RALGPS2: variants seen among roughly 807,000 people sequenced by gnomAD.
The protein encoded by RALGPS2 is Ral GEF with PH domain and SH3 binding motif 2.
In RALGPS2, 43 loss-of-function variants were observed where a neutral mutation model predicts 86.8. That is an observed-to-expected ratio of 0.50 (90% confidence interval 0.39 to 0.64). The LOEUF is 0.64. Among genes scored for constraint, RALGPS2 ranks in the 30% least tolerant of loss-of-function variants. The pLI, the probability that RALGPS2 is intolerant of heterozygous loss-of-function variation, is 0.00. For missense variants in RALGPS2, 536 were observed against 694.6 expected, an observed-to-expected ratio of 0.77 and a Z score of 2.57; for synonymous variants, 243 against 231.3, an observed-to-expected ratio of 1.05 and a Z score of -0.46.
rs754347008 is a variant in RALGPS2, at chr1:178,865,627, T to C, written c.608-11871T>C. 10 of 1,613,912 alleles carry C rather than the reference T, an allele frequency of 6.2e-6. No homozygotes were observed. In the Admixed American group the frequency reaches 1.3e-4, roughly 22 times the overall value. Reference sequence around the variant, plus strand: ...TTTGTTCAGGTACCAGGAATGTGTATGCACATTTCTTTGCTTCCTCTTTAC... The same window carrying C: ...TTTGTTCAGGTACCAGGAATGTGTACGCACATTTCTTTGCTTCCTCTTTAC... On this transcript the variant is annotated intron_variant, in intron 8 of 19. Transcript: ENST00000367635.
chr1:178,835,536 G>A lies in RALGPS2; in HGVS notation c.607+1986G>A, dbSNP rs140915852. Among the ~76,000 whole-genome samples the A allele has an allele frequency of 5.8e-3, 875 of 152,078 alleles. 38 individuals carry two copies. The highest frequency in any genetic ancestry group is 0.052 in the Admixed American group (794 of 15,286). On this transcript the variant is annotated intron_variant, in intron 8 of 19. Coordinates refer to ENST00000367635, the MANE Select transcript of RALGPS2 (RefSeq NM_152663.5). ...GCCTCCCAGGTAGCTGGGATTACAGGCATGCACCACCATGCCCAGCTAATT... is the reference window on the plus strand; with the variant it reads ...GCCTCCCAGGTAGCTGGGATTACAGACATGCACCACCATGCCCAGCTAATT...
At chr1:178,787,934 C>T (rs756731044) in intron 4 of RALGPS2, among the ~76,000 whole-genome samples, 6 of 152,194 alleles carry the variant, frequency 3.9e-5, no homozygotes, top group African/African-American at 1.2e-4. Context: ...TTCATGTGAT[C>T]GCTCTGCTTA....
intron 1 of RALGPS2, among the ~76,000 whole-genome samples, chr1:178,752,615 A>G (rs543342378): frequency 8.5e-5 from 13 of 152,374 alleles, no homozygotes; most frequent in East Asian, 1.9e-4. Flanking sequence ...TTCATGGTGC[A>G]TATGAGTCAG....
chr1:178,727,687 T>C (rs1650106609), intron 1 of RALGPS2, among the ~76,000 whole-genome samples: 1 of 152,144 alleles, frequency 6.6e-6, no homozygotes, highest in African/African-American at 2.4e-5. Flanking sequence ...TAGTGAATGA[T>C]GGATATATAG....
intron 1 of RALGPS2, among the ~76,000 whole-genome samples, chr1:178,730,558 T>C (rs902679683): frequency 6.6e-6 from 1 of 150,438 alleles, no homozygotes; most frequent in East Asian, 1.9e-4. Context: ...CATCAGGTAA[T>C]TGACCCTTCA....
chr1:178,852,994 A>G, intron 8 of RALGPS2: 1 of 1,556,540 alleles, frequency 6.4e-7, no homozygotes, highest in African/African-American at 1.4e-5. Flanking sequence ...AAATAAGTAT[A>G]GAGATAGTAA....
chr1:178,773,554 G>A (rs982780451), intron 1 of RALGPS2, among the ~76,000 whole-genome samples: 2 of 152,054 alleles, frequency 1.3e-5, no homozygotes, highest in African/African-American at 4.8e-5. Context: ...TTATAATATC[G>A]TATAAGCCTC....
At chr1:178,776,273 A>G (rs1208641916) in intron 1 of RALGPS2, among the ~76,000 whole-genome samples, 1 of 152,204 alleles carries the variant, frequency 6.6e-6, no homozygotes, top group Non-Finnish European at 1.5e-5. Context: ...TAGCTGTGAT[A>G]AGCTTATTCA....
At chr1:178,889,724 T>C in intron 14 of RALGPS2, 28 bp downstream of exon 14, 1 of 1,532,916 alleles carries the variant, frequency 6.5e-7, no homozygotes, top group Non-Finnish European at 9.0e-7. Context: ...TTTGAACTAC[T>C]TGGAGTTTAT....
At chr1:178,827,880 A>G (rs1323822000) in intron 7 of RALGPS2, among the ~76,000 whole-genome samples, 2 of 152,228 alleles carry the variant, frequency 1.3e-5, no homozygotes, top group Admixed American at 6.5e-5. Flanking sequence ...AGTTTCTTCA[A>G]TAAATTGTGT....
At chr1:178,799,813 A>G (rs772129705) in intron 4 of RALGPS2, among the ~76,000 whole-genome samples, 3 of 152,210 alleles carry the variant, frequency 2.0e-5, no homozygotes, top group Admixed American at 6.5e-5. Flanking sequence ...GAACATCATC[A>G]AAGTCTAAAA....
intron 4 of RALGPS2, among the ~76,000 whole-genome samples, chr1:178,805,455 A>G (rs934253234): frequency 6.6e-6 from 1 of 151,258 alleles, no homozygotes; most frequent in Non-Finnish European, 1.5e-5. Flanking sequence ...TGATTTTTGT[A>G]TAAGGTGTAA....
chr1:178,865,011 C>T lies in RALGPS2; in HGVS notation c.608-12487C>T, dbSNP rs201213550. 8.8e-5 allele frequency: 130 copies of T among 1,473,482 alleles called. No individual in the cohort carries two copies. In the Middle Eastern group the frequency reaches 1.5e-3, roughly 17 times the overall value. The allele number at this position is 1,473,482 out of a possible 1,614,324, so 91.3% of individuals were successfully genotyped here. A position where few individuals can be genotyped will look rare whatever the true frequency, so the allele number is the denominator to read the frequency against. The stretch of plus-strand genomic sequence containing the variant: ...AAAGGGCTTTTGGTGGGAGAAGTTG[C>T]CAGATCAGGTGGTGGCATTAAATCT... On this transcript the variant is annotated intron_variant, in intron 8 of 19. Coordinates refer to ENST00000367635, the MANE Select transcript of RALGPS2 (RefSeq NM_152663.5).
intron 15 of RALGPS2, among the ~76,000 whole-genome samples, chr1:178,893,504 A>T (rs999773065): frequency 3.3e-5 from 5 of 151,292 alleles, no homozygotes; most frequent in Admixed American, 1.3e-4. Flanking sequence ...TATATACTTA[A>T]ATACTTTTAA....
chr1:178,827,201 A>T (rs745629952), intron 7 of RALGPS2, among the ~76,000 whole-genome samples: 1 of 152,232 alleles, frequency 6.6e-6, no homozygotes, highest in Non-Finnish European at 1.5e-5. Context: ...GCATTGGAAG[A>T]ATTCATATTG....
At chr1:178,866,254 T>G (rs1224968382) in intron 8 of RALGPS2, among the ~76,000 whole-genome samples, 3 of 152,204 alleles carry the variant, frequency 2.0e-5, no homozygotes, top group Non-Finnish European at 4.4e-5. Context: ...AATTACCAGG[T>G]GACTTTACTA....
chr1:178,804,051 C>T (rs1654611245), intron 4 of RALGPS2, among the ~76,000 whole-genome samples: 1 of 150,654 alleles, frequency 6.6e-6, no homozygotes, highest in Non-Finnish European at 1.5e-5. Flanking sequence ...CTCAATCTTC[C>T]CCTGACTCAA....
Position 178,726,522 on chromosome 1 carries a change from T to G in RALGPS2, c.-84+1103T>G, listed in dbSNP as rs184679718. On this transcript the variant is annotated intron_variant, in intron 1 of 19. Coordinates refer to ENST00000367635, the MANE Select transcript of RALGPS2 (RefSeq NM_152663.5). ...GATGTTAGCTGTGGAGGAGGGGCAATTGAAATACTAAATTTCTGTTAAAAA... is the reference window on the plus strand; with the variant it reads ...GATGTTAGCTGTGGAGGAGGGGCAAGTGAAATACTAAATTTCTGTTAAAAA... Among the ~76,000 whole-genome samples, 405 of 151,374 alleles carry G rather than the reference T, an allele frequency of 2.7e-3. 4 individuals are homozygous for G. The highest frequency in any genetic ancestry group is 8.8e-3 in the African/African-American group (364 of 41,144).
intron 7 of RALGPS2, among the ~76,000 whole-genome samples, chr1:178,829,965 G>A (rs1178789390): frequency 5.3e-5 from 8 of 151,952 alleles, no homozygotes; most frequent in Admixed American, 1.3e-4. Flanking sequence ...GGCTGGTCTC[G>A]AACTCCTGAC....
Sources: gnomAD v4.1 joint callset for allele counts (sites outside exome capture counted in the v4.1 genomes callset) on GRCh38, gnomAD v4.1.1 for gene constraint, MANE v1.5 for transcripts, NCBI Gene and HGNC (gene_info 2026-07-23, HGNC 2026-07-21) for gene names.